The following EGFL7 variants were observed in gnomAD, a reference collection of about 807,000 sequenced individuals.
EGFL7 encodes the protein EGF like domain multiple 7.
EGFL7 carries 48 observed loss-of-function variants against 37.1 expected under a neutral mutation model. The ratio of observed to expected loss-of-function variants is 1.29; its 90% CI spans 1.03 to 1.65. The LOEUF (loss-of-function observed/expected upper bound fraction) is 1.65, where lower values mean the gene tolerates loss of function less well. Among genes scored for constraint, EGFL7 ranks in the 40% most tolerant of loss-of-function variants. The probability of loss-of-function intolerance (pLI) is 0.00; values close to 1 mark genes in which losing one functional copy is unlikely to be tolerated. For synonymous variants in EGFL7, 180 were observed against 156.8 expected (o/e 1.15, Z -1.10); for missense variants, 384 against 378.9 (o/e 1.01, Z -0.11).
At chr9:136,668,762 C>A in intron 5 of EGFL7, 89 bp downstream of exon 5, 1 of 1,173,160 alleles carries the variant, frequency 8.5e-7, no homozygotes, top group Non-Finnish European at 1.2e-6. Context: ...GGGGGTGAAT[C>A]CTGGGACCCA....
chr9:136,666,455 TC>T lies in EGFL7; in HGVS notation c.-43+1674del, dbSNP rs1255817740. 6.6e-6 allele frequency among the ~76,000 whole-genome samples: 1 copy of T among 151,082 alleles called. No homozygotes were observed. The highest frequency in any genetic ancestry group is 1.5e-5 in the Non-Finnish European group (1 of 67,738). The stretch of plus-strand genomic sequence containing the variant: ...TGGTCCACCTGGCGCCGCCGCCCCC[TC>T]CCCGCCCGGCACCCCTGGGTCGAGG... On this transcript the variant is annotated intron_variant, in intron 3 of 10. Coordinates refer to ENST00000308874, the MANE Select transcript of EGFL7 (RefSeq NM_016215.5). This position sits in a 1 kb window ranked among gnomAD's most constrained non-coding sequence, Gnocchi z 6.8.
chr9:136,670,366 G>A lies in EGFL7; in HGVS notation c.571+36G>A, dbSNP rs200695494. 1.1e-3 allele frequency: 1,707 copies of A among 1,512,808 alleles called. 6 individuals are homozygous for A. Among genetic ancestry groups the A allele is most frequent in the African/African-American group, 0.011 (808 of 72,162 alleles). The allele number at this position is 1,512,808 out of a possible 1,614,324, so 93.7% of individuals were successfully genotyped here. A position where few individuals can be genotyped will look rare whatever the true frequency, so the allele number is the denominator to read the frequency against. ...CTGGCTGTGCCTGGCCTGGGGAGGC[G>A]GGCAGGCAGTGGACATTGCCGTGTG... On this transcript the variant is annotated intron_variant, in intron 8 of 10. Coordinates refer to ENST00000308874, the MANE Select transcript of EGFL7 (RefSeq NM_016215.5).
chr9:136,667,340 C>T (rs555330523), intron 3 of EGFL7, among the ~76,000 whole-genome samples: 1 of 152,236 alleles, frequency 6.6e-6, no homozygotes, highest in Non-Finnish European at 1.5e-5. Context: ...GGGAAGCACC[C>T]GTGAGAGGCC....
intron 9 of EGFL7, 37 bp from the exon 10 acceptor site, chr9:136,671,889 G>A: frequency 1.4e-6 from 2 of 1,457,894 alleles, no homozygotes; most frequent in Non-Finnish European, 1.8e-6. Flanking sequence ...GAGAGGGCGG[G>A]GGCCGGCCCA....
chr9:136,668,708 C>G, intron 5 of EGFL7, 35 bp downstream of exon 5: 1 of 1,558,352 alleles, frequency 6.4e-7, no homozygotes, highest in Non-Finnish European at 8.7e-7. Flanking sequence ...CACCCAGCCC[C>G]AGCCTCCCAA....
chr9:136,666,360 GGCT>G lies in EGFL7; in HGVS notation c.-43+1578_-43+1580del, dbSNP rs1190056537. ...GCGGACCCGGCCTCTCGCGGGTGGG[GGCT>G]GCGGGGCTGCTGCCGGGCAGGTGGG... On this transcript the variant is annotated intron_variant, in intron 3 of 10. Transcript: ENST00000308874. The surrounding 1 kb of genome is among the most constrained non-coding windows in gnomAD (Gnocchi z 6.8). 6.6e-6 allele frequency among the ~76,000 whole-genome samples: 1 copy of G among 151,850 alleles called. No individual in the cohort carries two copies. Among genetic ancestry groups the G allele is most frequent in the Non-Finnish European group, 1.5e-5 (1 of 67,904 alleles).
intron 2 of EGFL7, 75 bp downstream of exon 2, chr9:136,663,698 C>A (rs1170256391): frequency 6.6e-6 from 1 of 152,264 alleles, no homozygotes; most frequent in Non-Finnish European, 1.5e-5. Context: ...TGTGGGCCCC[C>A]CTTGGACCCT....
chr9:136,671,514 A>C (rs1048649499), intron 9 of EGFL7, among the ~76,000 whole-genome samples: 1 of 151,686 alleles, frequency 6.6e-6, no homozygotes, highest in Non-Finnish European at 1.5e-5. Context: ...GCTGGGCAGA[A>C]GCAGCTGGAC....
chr9:136,665,743 G>A (rs899999301), intron 3 of EGFL7: 2 of 146,880 alleles, frequency 1.4e-5, no homozygotes, highest in African/African-American at 4.9e-5. Flanking sequence ...GGGCGGGGCG[G>A]GGCGGGGCTC....
intron 8 of EGFL7, 133 bp downstream of exon 8, chr9:136,670,463 G>A: frequency 1.7e-6 from 2 of 1,149,874 alleles, no homozygotes; most frequent in African/African-American, 1.5e-5. Flanking sequence ...AGGGAGGGAG[G>A]ATGGGGAGGG....
At chr9:136,670,729 C>G in intron 8 of EGFL7, 5 of 754,628 alleles carry the variant, frequency 6.6e-6, no homozygotes, top group Non-Finnish European at 9.9e-6. Flanking sequence ...TGACCTCCCT[C>G]AGCGTGGCCG....
At position 136,670,174 on chromosome 9, in the gene EGFL7, GATGA is replaced by G; in HGVS notation, c.419_422del (p.Glu140AlafsTer56). ...TGACACCCCGTTTCCTGCAGATGTG[GATGA>G]ATGCAGTGCTAGGAGGGGCGGCTGT... On this transcript the variant is annotated frameshift_variant, in exon 8 of 11. Transcript: ENST00000308874. LOFTEE classifies it high-confidence loss of function. 9 of 1,612,762 alleles carry G rather than the reference GATGA, an allele frequency of 5.6e-6. No homozygotes were observed. The highest frequency in any genetic ancestry group is 6.8e-6 in the Non-Finnish European group (8 of 1,179,942).
chr9:136,669,417 C>A (rs374449293), intron 5 of EGFL7, among the ~76,000 whole-genome samples, 189 bp from the exon 6 acceptor site: 27 of 152,316 alleles, frequency 1.8e-4, no homozygotes, highest in East Asian at 1.5e-3. Context: ...GGCTTGAGTC[C>A]CGGCCAGCAC....
At chr9:136,668,219 G>T in intron 3 of EGFL7, 22 bp from the exon 4 acceptor site, 1 of 1,436,076 alleles carries the variant, frequency 7.0e-7, no homozygotes. Flanking sequence ...GGGAGACTTA[G>T]GGGTCATGCT....
chr9:136,661,765 C>T (rs1389692358), upstream of EGFL7, among the ~76,000 whole-genome samples: 3 of 152,198 alleles, frequency 2.0e-5, no homozygotes, highest in East Asian at 5.8e-4. Context: ...TGGGGAATTT[C>T]CCCAGCTGCC....
At chr9:136,670,413 C>T in intron 8 of EGFL7, 83 bp downstream of exon 8, 3 of 1,443,952 alleles carry the variant, frequency 2.1e-6, no homozygotes, top group Non-Finnish European at 2.8e-6. Flanking sequence ...TGGTGGGGGG[C>T]ACTGGAATCT....
chr9:136,667,571 G>A (rs1436806566), intron 3 of EGFL7, among the ~76,000 whole-genome samples: 7 of 152,144 alleles, frequency 4.6e-5, no homozygotes, highest in Non-Finnish European at 1.0e-4. Context: ...TCACCCCCAG[G>A]TGTGCACCTG....
intron 5 of EGFL7, among the ~76,000 whole-genome samples, chr9:136,669,279 G>A (rs747192391): frequency 2.2e-4 from 34 of 152,348 alleles, no homozygotes; most frequent in African/African-American, 5.3e-4. Flanking sequence ...GTGACTCGCC[G>A]TAGGCCGGGC....
At chr9:136,665,273 TG>T (rs1160833820) in intron 3 of EGFL7, among the ~76,000 whole-genome samples, 2 of 152,216 alleles carry the variant, frequency 1.3e-5, no homozygotes, top group African/African-American at 2.4e-5. Flanking sequence ...AGAGGAGATC[TG>T]GGTCTCTGGG....
Sources: allele counts gnomAD v4.1 joint callset (sites outside exome capture counted in the v4.1 genomes callset), GRCh38; gene constraint gnomAD v4.1.1; non-coding constraint Gnocchi (gnomAD v3.1); transcripts MANE v1.5; gene names NCBI Gene and HGNC (gene_info 2026-07-23, HGNC 2026-07-21).